Variants in CCDC90B observed in about 807,000 individuals in gnomAD.
The protein encoded by CCDC90B is coiled-coil domain-containing protein 90B, mitochondrial.
CCDC90B carries 24 observed loss-of-function variants against 37.0 expected under a neutral mutation model. That is an observed-to-expected ratio of 0.65 (90% CI 0.47 to 0.91). The LOEUF (loss-of-function observed/expected upper bound fraction) is 0.91. Ranked by LOEUF, CCDC90B falls within the 40% of genes least tolerant of loss-of-function variation. The probability of loss-of-function intolerance (pLI) is 0.00; values close to 1 mark genes in which losing one functional copy is unlikely to be tolerated. For synonymous variants in CCDC90B, 113 were observed against 101.1 expected, an observed-to-expected ratio of 1.12 and a Z score of -0.71; for missense variants, 319 against 299.0, an observed-to-expected ratio of 1.07 and a Z score of -0.49.
intron 7 of CCDC90B, chr11:83,267,563 G>GA (rs1321244438): frequency 1.3e-5 from 2 of 152,076 alleles, no homozygotes; most frequent in Non-Finnish European, 1.5e-5. Flanking sequence ...CAAGGTTAGA[G>GA]AAAAAAGAGT....
At chr11:83,268,188 T>G (rs896480275) in intron 7 of CCDC90B, among the ~76,000 whole-genome samples, 1 of 152,162 alleles carries the variant, frequency 6.6e-6, no homozygotes, top group Non-Finnish European at 1.5e-5. Context: ...ATGAAGAAAC[T>G]GCATCAATTA....
rs560887740 is a variant in CCDC90B at position 83,263,727 on chromosome 11, T to G, written c.710-1761A>C. 7.2e-5 allele frequency among the ~76,000 whole-genome samples: 11 copies of G among 152,248 alleles called. No individual in the cohort carries two copies. The East Asian group carries it at 2.1e-3, about 29-fold the overall frequency. On this transcript the variant is annotated intron_variant, in intron 8 of 8. Coordinates refer to ENST00000529689, the MANE Select transcript of CCDC90B (RefSeq NM_021825.5). ...GGCAATCTCTCCTGATTAGTGAAAG[T>G]GGAATGATAAGAGTCTAGGTGGTAA...
chr11:83,267,710 C>A (rs1348802524), intron 7 of CCDC90B, among the ~76,000 whole-genome samples: 2 of 152,144 alleles, frequency 1.3e-5, no homozygotes, highest in Admixed American at 1.3e-4. Flanking sequence ...GGAGAACTTC[C>A]CCAACCTAGC....
At position 83,285,615 on chromosome 11, in the gene CCDC90B, A is replaced by G; in HGVS notation, c.100+258T>C. ...CACCAAAAAACGGAAACAACGGCTG[A>G]GAAAGAAGCCGGGCGCGAAGCCCAG... On this transcript the variant is annotated intron_variant, in intron 1 of 8. Coordinates refer to ENST00000529689, the MANE Select transcript of CCDC90B (RefSeq NM_021825.5). 3 of 1,338,052 alleles carry G rather than the reference A, an allele frequency of 2.2e-6. No individual in the cohort carries two copies. The South Asian group carries it at 5.3e-5, about 24-fold the overall frequency. 82.9% of individuals were successfully genotyped at this position (1,338,052 alleles called of 1,614,324 possible). A position where few individuals can be genotyped will look rare whatever the true frequency, so the allele number is the denominator to read the frequency against.
At chr11:83,273,174 A>G (rs1864786544) in intron 7 of CCDC90B, 1 of 152,250 alleles carries the variant, frequency 6.6e-6, no homozygotes, top group African/African-American at 2.4e-5. Context: ...TAATTATTTA[A>G]CTGAACCTAG....
At chr11:83,266,512 A>G (rs867831616) in intron 7 of CCDC90B, among the ~76,000 whole-genome samples, 3 of 152,236 alleles carry the variant, frequency 2.0e-5, no homozygotes, top group African/African-American at 7.2e-5. Flanking sequence ...CTAGCACAGC[A>G]GTCTGAAATC....
intron 7 of CCDC90B, chr11:83,266,868 T>C (rs1864310969): frequency 6.6e-6 from 1 of 152,284 alleles, no homozygotes; most frequent in African/African-American, 2.4e-5. Flanking sequence ...GACACACACC[T>C]CATATAGGCG....
At chr11:83,283,777 C>T (rs1003316132) in intron 1 of CCDC90B, among the ~76,000 whole-genome samples, 7 of 152,000 alleles carry the variant, frequency 4.6e-5, no homozygotes, top group African/African-American at 1.7e-4. Context: ...GCCTGGGCAA[C>T]GTGGGAAGAT....
At chr11:83,265,517 T>G (rs1031532693) in intron 8 of CCDC90B, among the ~76,000 whole-genome samples, 60 of 152,312 alleles carry the variant, frequency 3.9e-4, no homozygotes, top group African/African-American at 1.4e-3. Context: ...ATTAGTCAGC[T>G]GCAGAGTTGC....
chr11:83,282,371 CTTAAG>C (rs1370495510), intron 1 of CCDC90B, among the ~76,000 whole-genome samples: 2 of 152,224 alleles, frequency 1.3e-5, no homozygotes, highest in African/African-American at 4.8e-5. Context: ...GTTAAACTAT[CTTAAG>C]TTGAGGACTG....
In CCDC90B at chr11:83,273,360, T is replaced by C. The variant is rs1864806689; in HGVS notation, c.594+287A>G. 5.2e-6 allele frequency: 1 copy of C among 194,136 alleles called. No homozygotes were observed. The highest frequency in any genetic ancestry group is 2.3e-5 in the African/African-American group (1 of 42,908). 12.0% of individuals were successfully genotyped at this position (194,136 alleles called of 1,614,324 possible). On this transcript the variant is annotated intron_variant, in intron 7 of 8. Transcript: ENST00000529689. ...TGCAGGATTAACAGGTGTGAGCTAC[T>C]GTGCCTGGCCCAAAAAATAGTTATT...
chr11:83,268,646 C>A (rs949343195), intron 7 of CCDC90B, among the ~76,000 whole-genome samples: 1 of 152,118 alleles, frequency 6.6e-6, no homozygotes, highest in Non-Finnish European at 1.5e-5. Context: ...TAGACTCCCA[C>A]ATAATAATAA....
rs1262855000 is a variant in CCDC90B at position 83,260,362 on chromosome 11, T to A, written c.*1549A>T. ...ACAAATGCAGTATACTTTGTTACAG[T>A]GGACTTTAATATATATGGTAACTTA... On this transcript the variant is annotated 3_prime_UTR_variant, in exon 9 of 9. Transcript: ENST00000529689. 6.6e-6 allele frequency: 1 copy of A among 152,194 alleles called. No individual in the cohort carries two copies. The highest frequency in any genetic ancestry group is 6.5e-5 in the Admixed American group (1 of 15,280). The allele number at this position is 152,194 out of a possible 1,614,324, so 9.4% of individuals were successfully genotyped here.
At chr11:83,281,884 G>A (rs1865403293) in intron 1 of CCDC90B, among the ~76,000 whole-genome samples, 1 of 151,782 alleles carries the variant, frequency 6.6e-6, no homozygotes, top group Non-Finnish European at 1.5e-5. Context: ...TGAGGCTCAG[G>A]GCTAAGTATG....
intron 7 of CCDC90B, among the ~76,000 whole-genome samples, chr11:83,269,678 C>G (rs757000227): frequency 6.6e-6 from 1 of 151,950 alleles, no homozygotes; most frequent in African/African-American, 2.4e-5. Context: ...GCCTAACAAC[C>G]AAAAAAAGTC....
At chr11:83,271,061 G>A (rs1390729699) in intron 7 of CCDC90B, among the ~76,000 whole-genome samples, 1 of 152,138 alleles carries the variant, frequency 6.6e-6, no homozygotes, top group East Asian at 1.9e-4. Flanking sequence ...TGGGAAAACT[G>A]GCTAGCCATA....
chr11:83,280,413 TC>T, intron 1 of CCDC90B, among the ~76,000 whole-genome samples, 153 bp from the exon 2 acceptor site: 1 of 152,358 alleles, frequency 6.6e-6, no homozygotes, highest in Admixed American at 6.5e-5. Flanking sequence ...TCTGAGCCTC[TC>T]TTTTATCTGA....
rs1863889726 is a variant in CCDC90B at position 83,260,717 on chromosome 11, T to A, written c.*1194A>T. 1 of 152,242 alleles carries A rather than the reference T, an allele frequency of 6.6e-6. No homozygotes were observed. The highest frequency in any genetic ancestry group is 2.4e-5 in the African/African-American group (1 of 41,468). The allele number at this position is 152,242 out of a possible 1,614,324, so 9.4% of individuals were successfully genotyped here. A position where few individuals can be genotyped will look rare whatever the true frequency, so the allele number is the denominator to read the frequency against. On this transcript the variant is annotated 3_prime_UTR_variant, in exon 9 of 9. Coordinates refer to ENST00000529689, the MANE Select transcript of CCDC90B (RefSeq NM_021825.5). ...TGTTTACTTTCTGGTCTTGTCTTCT[T>A]GATCTGGGTAAGACTGAAGAACTAA... is the stretch of plus-strand genomic sequence containing the variant.
chr11:83,274,590 T>A, intron 4 of CCDC90B, 49 bp downstream of exon 4: 1 of 1,096,160 alleles, frequency 9.1e-7, no homozygotes, highest in Non-Finnish European at 1.4e-6. Flanking sequence ...GTAGGATGCT[T>A]ATTATGAGAT....
Sources: gnomAD v4.1 joint callset for allele counts (sites outside exome capture counted in the v4.1 genomes callset) on GRCh38, gnomAD v4.1.1 for gene constraint, MANE v1.5 for transcripts, NCBI Gene and HGNC (gene_info 2026-07-23, HGNC 2026-07-21) for gene names.